CHST8: variants seen among roughly 807,000 people sequenced by gnomAD.
CHST8 encodes carbohydrate sulfotransferase 8, also known as GALNAC-4-ST1.
In CHST8, 10 loss-of-function variants were observed where a neutral mutation model predicts 15.0. The ratio of observed to expected loss-of-function variants is 0.67; its 90% CI spans 0.41 to 1.13. The LOEUF (loss-of-function observed/expected upper bound fraction) is 1.13. CHST8 is among the 50% of genes most tolerant of loss of function. The pLI is 0.00. For missense variants in CHST8, 634 were observed against 608.2 expected (o/e 1.04, Z -0.45); for synonymous variants, 259 against 256.6 (o/e 1.01, Z -0.09).
At chr19:33,760,989 A>G (rs1974714310) in intron 3 of CHST8, among the ~76,000 whole-genome samples, 1 of 152,194 alleles carries the variant, frequency 6.6e-6, no homozygotes, top group South Asian at 2.1e-4. Flanking sequence ...TGTGAAGTGA[A>G]TGGATACATG....
intron 3 of CHST8, among the ~76,000 whole-genome samples, chr19:33,725,047 G>A (rs1024385393): frequency 2.0e-5 from 3 of 152,184 alleles, no homozygotes; most frequent in Non-Finnish European, 4.4e-5. Context: ...GCACTGCTGT[G>A]TGTGCAAGTG....
intron 3 of CHST8, among the ~76,000 whole-genome samples, chr19:33,745,181 C>A (rs970376674): frequency 2.0e-5 from 3 of 152,194 alleles, no homozygotes; most frequent in Non-Finnish European, 2.9e-5. Flanking sequence ...CAGTGCCTGG[C>A]CTCTGCTACT....
intron 3 of CHST8, among the ~76,000 whole-genome samples, chr19:33,755,687 C>T (rs1003394895): frequency 6.6e-6 from 1 of 152,222 alleles, no homozygotes; most frequent in African/African-American, 2.4e-5. Context: ...CTTAATTCCT[C>T]CAGAAATGCA....
Position 33,689,203 on chromosome 19 carries a change from G to A in CHST8, c.-59G>A. On this transcript the variant is annotated 5_prime_UTR_variant, in exon 3 of 5. It introduces an in-frame stop codon into an upstream open reading frame of the 5' UTR. Coordinates refer to ENST00000650847, the MANE Select transcript of CHST8 (RefSeq NM_001127895.2). ...CTCGGCCTGATGGACGCCTGGTGTG[G>A]ACGATGAGGGAAGAACGTGCCCCCC... is the stretch of plus-strand genomic sequence containing the variant. 6.8e-7 allele frequency: 1 copy of A among 1,473,888 alleles called. No homozygotes were observed. Among genetic ancestry groups the A allele is most frequent in the Non-Finnish European group, 9.0e-7 (1 of 1,112,638 alleles). 91.3% of individuals were successfully genotyped at this position (1,473,888 alleles called of 1,614,324 possible).
intron 3 of CHST8, among the ~76,000 whole-genome samples, chr19:33,711,083 G>T (rs1255293412): frequency 6.6e-6 from 1 of 151,996 alleles, no homozygotes; most frequent in Non-Finnish European, 1.5e-5. Flanking sequence ...TATTATCTAG[G>T]CTGGTCTTGA....
chr19:33,659,587 T>TGG (rs1469040242), intron 1 of CHST8, among the ~76,000 whole-genome samples: 1 of 152,144 alleles, frequency 6.6e-6, no homozygotes, highest in Non-Finnish European at 1.5e-5. Flanking sequence ...GTAATCCCTT[T>TGG]GGGAGGCCGA....
At chr19:33,770,659 C>T (rs570910197) in intron 3 of CHST8, among the ~76,000 whole-genome samples, 11 of 152,322 alleles carry the variant, frequency 7.2e-5, no homozygotes, top group African/African-American at 1.7e-4. Flanking sequence ...GCAGAGGGGG[C>T]GTTCCAGAGC....
intron 1 of CHST8, among the ~76,000 whole-genome samples, chr19:33,638,525 C>T (rs1437042257): frequency 2.0e-5 from 3 of 152,150 alleles, no homozygotes; most frequent in African/African-American, 4.8e-5. Flanking sequence ...CCACCTTGGC[C>T]GGCCACAGTG....
At chr19:33,689,116 G>T (rs989383482) in intron 2 of CHST8, 60 bp from the exon 3 acceptor site, 6 of 912,530 alleles carry the variant, frequency 6.6e-6, no homozygotes, top group South Asian at 4.4e-5. Context: ...AGTGAGCAGG[G>T]CCTACACCTG....
chr19:33,681,265 A>AG (rs1972884744), intron 2 of CHST8, among the ~76,000 whole-genome samples: 1 of 152,208 alleles, frequency 6.6e-6, no homozygotes, highest in Admixed American at 6.5e-5. Context: ...CACCTCAGCC[A>AG]GGGAGGCCTC....
At chr19:33,641,861 G>C (rs138928564) in intron 1 of CHST8, among the ~76,000 whole-genome samples, 1 of 152,164 alleles carries the variant, frequency 6.6e-6, no homozygotes, top group Non-Finnish European at 1.5e-5. Context: ...CAAGAACACA[G>C]GTCCATTTTT....
At chr19:33,734,914 C>A (rs1277659716) in intron 3 of CHST8, among the ~76,000 whole-genome samples, 2 of 152,178 alleles carry the variant, frequency 1.3e-5, no homozygotes, top group African/African-American at 2.4e-5. Context: ...CTGACCCCAG[C>A]ATCAAGCTGA....
At chr19:33,689,145 C>A in intron 2 of CHST8, 31 bp from the exon 3 acceptor site, 1 of 1,308,492 alleles carries the variant, frequency 7.6e-7, no homozygotes, top group Non-Finnish European at 1.0e-6. Flanking sequence ...CCTCGCGCCT[C>A]GGTGATGACT....
chr19:33,632,410 C>T (rs918472791), intron 1 of CHST8, among the ~76,000 whole-genome samples: 28 of 152,164 alleles, frequency 1.8e-4, no homozygotes, highest in African/African-American at 6.5e-4. Context: ...CTGCCTCGGC[C>T]TCCCAAAGTG....
chr19:33,625,878 T>A (rs1020408787), intron 1 of CHST8, among the ~76,000 whole-genome samples: 12 of 152,182 alleles, frequency 7.9e-5, no homozygotes, highest in South Asian at 4.2e-4. Context: ...TTTTTTTTTT[T>A]AAATTGAGGT....
rs72103213 is a variant in CHST8, at chr19:33,765,053, C to CATATATATATATATATAT, written c.131-6357_131-6340dup. 3.5e-4 allele frequency among the ~76,000 whole-genome samples: 31 copies of CATATATATATATATATAT among 87,686 alleles called. 1 individual carries two copies. Among genetic ancestry groups the CATATATATATATATATAT allele is most frequent in the African/African-American group, 1.4e-3 (23 of 16,646 alleles). The allele number at this position is 87,686 out of a possible 152,430, so 57.5% of individuals were successfully genotyped here. On this transcript the variant is annotated intron_variant, in intron 3 of 4. Transcript: ENST00000650847. ...TTTTTATGGCTAAGTACTATTCCAT[C>CATATATATATATATATAT]ATATATATATATATATATATCAGAG...
At chr19:33,740,541 A>C (rs1974165656) in intron 3 of CHST8, among the ~76,000 whole-genome samples, 1 of 152,218 alleles carries the variant, frequency 6.6e-6, no homozygotes, top group Non-Finnish European at 1.5e-5. Context: ...ACCCTGAAAC[A>C]GACCCAGACT....
intron 3 of CHST8, among the ~76,000 whole-genome samples, chr19:33,710,035 C>T (rs1484053629): frequency 6.6e-6 from 1 of 152,122 alleles, no homozygotes. Context: ...TTCAGGTTTT[C>T]TATTTCTTCT....
chr19:33,772,635 TTCGGCAAGGCCA>T lies in CHST8; in HGVS notation c.850_861del (p.Gly284_Ile287del). 6.2e-6 allele frequency: 10 copies of T among 1,613,980 alleles called. No individual in the cohort carries two copies. Among genetic ancestry groups the T allele is most frequent in the Non-Finnish European group, 8.5e-6 (10 of 1,180,030 alleles). On this transcript the variant is annotated inframe_deletion, in exon 5 of 5. Transcript: ENST00000650847. ...CCCCAACAGCTACTATCACCCGGTCTTCGGCAAGGCCATCCTGGCCCGGTACCGCGCCAATGC... is the reference window on the plus strand; with the variant it reads ...CCCCAACAGCTACTATCACCCGGTCTTCCTGGCCCGGTACCGCGCCAATGC...
Sources: gnomAD v4.1 joint callset for allele counts (sites outside exome capture counted in the v4.1 genomes callset) on GRCh38, gnomAD v4.1.1 for gene constraint, MANE v1.5 for transcripts, NCBI Gene and HGNC (gene_info 2026-07-23, HGNC 2026-07-21) for gene names.